BAIAP2: variants seen among roughly 807,000 people sequenced by gnomAD.
BAIAP2 encodes the protein BAR/IMD domain-containing adapter protein 2.
A neutral mutation model predicts 63.0 loss-of-function variants in BAIAP2; 18 were observed. That is an observed-to-expected ratio of 0.29 (90% CI 0.20 to 0.42). The LOEUF is 0.42. BAIAP2 is among the 10% of genes least tolerant of loss of function. BAIAP2 has a pLI of 1.00. For missense variants in BAIAP2, 610 were observed against 734.3 expected (o/e 0.83, Z 1.96); for synonymous variants, 386 against 307.6 (o/e 1.25, Z -2.67).
chr17:81,043,787 T>A (rs1478560891), intron 1 of BAIAP2, among the ~76,000 whole-genome samples: 1 of 152,148 alleles, frequency 6.6e-6, no homozygotes, highest in East Asian at 1.9e-4. Context: ...GCTGAGCTCA[T>A]TGAAACTGCA....
chr17:81,108,989 C>T (rs763767877), intron 13 of BAIAP2: 15 of 1,549,104 alleles, frequency 9.7e-6, no homozygotes, highest in African/African-American at 2.7e-5. Context: ...CGCTGGTGTC[C>T]ACAGTGTGAG....
chr17:81,090,905 T>G (rs534280529), intron 6 of BAIAP2, among the ~76,000 whole-genome samples: 1 of 152,320 alleles, frequency 6.6e-6, no homozygotes, highest in South Asian at 2.1e-4. Flanking sequence ...GTGGGACTTC[T>G]ACTTTAGGGT....
chr17:81,041,161 C>T (rs1425969610), intron 1 of BAIAP2, among the ~76,000 whole-genome samples: 1 of 152,250 alleles, frequency 6.6e-6, no homozygotes, highest in East Asian at 1.9e-4. Context: ...GAAAATGCTG[C>T]CTGGTCCTTG....
At chr17:81,106,397 C>T (rs1248864383) in intron 11 of BAIAP2, among the ~76,000 whole-genome samples, 1 of 152,154 alleles carries the variant, frequency 6.6e-6, no homozygotes, top group Non-Finnish European at 1.5e-5. Flanking sequence ...GGGGGCAGCT[C>T]CTGGGGGCCA....
At chr17:81,091,908 C>G (rs1395468049) in intron 6 of BAIAP2, among the ~76,000 whole-genome samples, 1 of 152,222 alleles carries the variant, frequency 6.6e-6, no homozygotes, top group African/African-American at 2.4e-5. Context: ...CGGGGCCTGG[C>G]TGGTGGTGCA....
intron 13 of BAIAP2, 129 bp downstream of exon 13, chr17:81,108,638 G>A (rs1049483872): frequency 8.0e-7 from 1 of 1,247,118 alleles, no homozygotes; most frequent in African/African-American, 1.5e-5. Context: ...CTTCACCCCT[G>A]TCAGAGCCGG....
Position 81,057,977 on chromosome 17 carries a change from C to CCCCT in BAIAP2, c.217+13_217+14insTCCC. 1 of 385,374 alleles carries CCCCT rather than the reference C, an allele frequency of 2.6e-6. No individual in the cohort carries two copies. Among genetic ancestry groups the CCCCT allele is most frequent in the Non-Finnish European group, 3.6e-6 (1 of 279,438 alleles). The allele number at this position is 385,374 out of a possible 1,614,324, so 23.9% of individuals were successfully genotyped here. ...GGCTCCAAAGAACTCGGTGAGACCC[C>CCCCT]CCCCCCCCCCCCGCCTGGTAGTCGC... On this transcript the variant is annotated intron_variant, in intron 3 of 13. Coordinates refer to ENST00000428708, the MANE Select transcript of BAIAP2 (RefSeq NM_001144888.2).
chr17:81,099,816 G>A (rs1255900612), intron 6 of BAIAP2, 112 bp from the exon 7 acceptor site: 21 of 1,263,596 alleles, frequency 1.7e-5, no homozygotes, highest in Non-Finnish European at 2.3e-5. Context: ...GTTTCCAGCT[G>A]CTCTGCATGA....
At chr17:81,050,839 C>T (rs538357083) in intron 1 of BAIAP2, among the ~76,000 whole-genome samples, 3 of 148,590 alleles carry the variant, frequency 2.0e-5, no homozygotes, top group African/African-American at 4.9e-5. Flanking sequence ...TAGAGTCGGC[C>T]GCATCCTCCT....
At chr17:81,047,633 C>T (rs937765841) in intron 1 of BAIAP2, among the ~76,000 whole-genome samples, 9 of 63,234 alleles carry the variant, frequency 1.4e-4, no homozygotes, top group African/African-American at 5.8e-4. Flanking sequence ...AGTGTACACG[C>T]ACAGGTAAAC....
chr17:81,106,793 C>G lies in BAIAP2; in HGVS notation c.1386C>G (p.Asp462Glu). Residue 462 changes from aspartate (D) to glutamate (E), a missense_variant, in exon 12 of 14, where the codon GAC becomes GAG. Physicochemically the swap from Asp to Glu is conservative, Grantham distance 45. Around this residue, in one of 5 missense-constraint regions of BAIAP2, gnomAD observed 11 missense variants for 25.2 expected, o/e 0.44. Transcript: ENST00000428708. ...SSSTGNLLDK[D>E]DLAIPPPDYG... ...GCACGGGCAACCTCCTGGACAAGGA[C>G]GACCTGGCCATCCCACCCCCCGATT... 6.2e-6 allele frequency: 10 copies of G among 1,612,560 alleles called. No individual in the cohort carries two copies. Among genetic ancestry groups the G allele is most frequent in the Non-Finnish European group, 8.5e-6 (10 of 1,179,780 alleles).
chr17:81,036,942 G>A (rs2046356143), intron 1 of BAIAP2: 6 of 1,535,920 alleles, frequency 3.9e-6, no homozygotes, highest in African/African-American at 1.4e-5. Context: ...AGGAACTTTC[G>A]TGGTGAGAGT....
At chr17:81,060,034 AG>A in intron 3 of BAIAP2, among the ~76,000 whole-genome samples, 1 of 152,300 alleles carries the variant, frequency 6.6e-6, no homozygotes, top group Middle Eastern at 3.4e-3. Context: ...TACTTGGATC[AG>A]GGAGCGTCTG....
rs143327162 is a variant in BAIAP2, at chr17:81,060,985, G to A, written c.217+3018G>A. On this transcript the variant is annotated intron_variant, in intron 3 of 13. Transcript: ENST00000428708. ...CTAAAATACAAAAAATTAGCCGGGC[G>A]TGGTGGCATGCGCCTGTAATCCCAG... Among the ~76,000 whole-genome samples, 625 of 152,284 alleles carry A rather than the reference G, an allele frequency of 4.1e-3. 8 individuals carry two copies. The highest frequency in any genetic ancestry group is 5.7e-3 in the Non-Finnish European group (385 of 68,014).
intron 3 of BAIAP2, among the ~76,000 whole-genome samples, chr17:81,066,530 C>G (rs955213070): frequency 6.6e-6 from 1 of 152,234 alleles, no homozygotes; most frequent in African/African-American, 2.4e-5. Context: ...GGTGGTGCCC[C>G]TCCTGTCCCC....
Position 81,086,640 on chromosome 17 carries a change from G to T in BAIAP2, c.489+60G>T. On this transcript the variant is annotated intron_variant, in intron 6 of 13. Transcript: ENST00000428708. Reference sequence around the variant, plus strand: ...GCCACCTTGGGACTGCTCACCCCTCGGCCCCCCTCGTCCACAGGGAGTGGA... The same window carrying T: ...GCCACCTTGGGACTGCTCACCCCTCTGCCCCCCTCGTCCACAGGGAGTGGA... The T allele has an allele frequency of 1.4e-5, 23 of 1,595,486 alleles. 1 individual carries two copies. The South Asian group carries it at 2.5e-4, about 17-fold the overall frequency.
chr17:81,060,413 A>C (rs886444320), intron 3 of BAIAP2, among the ~76,000 whole-genome samples: 1 of 152,154 alleles, frequency 6.6e-6, no homozygotes, highest in African/African-American at 2.4e-5. Flanking sequence ...GGACTGGCCC[A>C]TTCTAGACAT....
intron 3 of BAIAP2, among the ~76,000 whole-genome samples, chr17:81,074,916 A>C (rs2053402837): frequency 6.6e-6 from 1 of 152,252 alleles, no homozygotes; most frequent in South Asian, 2.1e-4. Context: ...TTGCTCTGCT[A>C]TCCCTGCAAC....
At chr17:81,038,963 T>G (rs2046698590) in intron 1 of BAIAP2, among the ~76,000 whole-genome samples, 1 of 152,328 alleles carries the variant, frequency 6.6e-6, no homozygotes, top group African/African-American at 2.4e-5. Flanking sequence ...CCCAGCTCCG[T>G]GCGCGTGTAC....
Sources: gnomAD v4.1 joint callset for allele counts (sites outside exome capture counted in the v4.1 genomes callset) on GRCh38, gnomAD v4.1.1 for gene constraint, gnomAD v4.1.1 regional missense constraint, MANE v1.5 for transcripts, NCBI Gene and HGNC (gene_info 2026-07-23, HGNC 2026-07-21) for gene names.